The following CYP4F3 variants were observed in gnomAD, a reference collection of about 807,000 sequenced individuals.
The protein encoded by CYP4F3 is cytochrome P450 family 4 subfamily F member 3, also known as cytochrome P450 4F3.
In CYP4F3, 50 loss-of-function variants were observed where a neutral mutation model predicts 54.8. The ratio of observed to expected loss-of-function variants is 0.91; its 90% CI spans 0.73 to 1.16. CYP4F3 has a LOEUF of 1.16. Among genes scored for constraint, CYP4F3 ranks in the 50% most tolerant of loss-of-function variants. CYP4F3 has a pLI of 0.00. For synonymous variants in CYP4F3, 244 were observed against 262.6 expected (o/e 0.93, Z 0.69); for missense variants, 715 against 676.2 (o/e 1.06, Z -0.64).
intron 2 of CYP4F3, among the ~76,000 whole-genome samples, chr19:15,643,405 AATAGATAGATAGATAGATAG>A (rs57178444): frequency 2.4e-4 from 24 of 99,370 alleles, no homozygotes; most frequent in African/African-American, 7.9e-4. Context: ...TATATAGGTA[AATAGATAGATAGATAGATAG>A]ATAGATAGAT....
rs56414414 is a variant in CYP4F3 at position 15,650,823 on chromosome 19, T to TC, written c.918+640_918+641insC. 7.6e-4 allele frequency among the ~76,000 whole-genome samples: 53 copies of TC among 70,050 alleles called. 9 individuals are homozygous for TC. Among genetic ancestry groups the TC allele is most frequent in the East Asian group, 4.2e-3 (7 of 1,660 alleles). The allele number at this position is 70,050 out of a possible 152,430, so 46.0% of individuals were successfully genotyped here. A position where few individuals can be genotyped will look rare whatever the true frequency, so the allele number is the denominator to read the frequency against. ...TCTCTCTCTTCTCTTTCTTTCTTTC[T>TC]TTCTTTCTTTCTTTCTTTCTTTCTT... On this transcript the variant is annotated intron_variant, in intron 7 of 12. Transcript: ENST00000221307.
chr19:15,652,638 G>C lies in CYP4F3; in HGVS notation c.985+3G>C. The C allele has an allele frequency of 1.2e-6, 2 of 1,614,206 alleles. No individual in the cohort carries two copies. The highest frequency in any genetic ancestry group is 1.7e-6 in the Non-Finnish European group (2 of 1,180,024). On this transcript the variant is annotated splice_donor_region_variant and intron_variant, in intron 8 of 12. Transcript: ENST00000221307. ...AGCTGACACCTTTATGTTTGAGGGTGAGGGCCCCAGTGTGGGGCTAGAGTG... is the reference window on the plus strand; with the variant it reads ...AGCTGACACCTTTATGTTTGAGGGTCAGGGCCCCAGTGTGGGGCTAGAGTG...
Position 15,662,437 on chromosome 19 carries a change from T to TA in CYP4F3, c.*3053dup, listed in dbSNP as rs1188679416. The TA allele has an allele frequency of 6.6e-6, 1 of 151,298 alleles. No homozygotes were observed. The allele number at this position is 151,298 out of a possible 1,614,324, so 9.4% of individuals were successfully genotyped here. The stretch of plus-strand genomic sequence containing the variant: ...ATGTTGGACCAATACCACACTGCCC[T>TA]AGTCACTGTTGCATTATAGTATATC... On this transcript the variant is annotated 3_prime_UTR_variant, in exon 13 of 13. Transcript: ENST00000221307.
intron 7 of CYP4F3, among the ~76,000 whole-genome samples, chr19:15,650,730 TTCTTTCTTTTCCTTCCTTCCA>T (rs1972796536): frequency 8.6e-6 from 1 of 116,098 alleles, no homozygotes; most frequent in Non-Finnish European, 1.7e-5. Context: ...CTTTCTTTCT[TTCTTTCTTTTCCTTCCTTCCA>T]TCTTTCTTTC....
At chr19:15,656,515 ATCT>A (rs1006576210) in intron 9 of CYP4F3, among the ~76,000 whole-genome samples, 6 of 39,818 alleles carry the variant, frequency 1.5e-4, no homozygotes, top group Admixed American at 3.1e-4. Context: ...CTATCTATCT[ATCT>A]ATCTATTTCT....
At position 15,641,410 on chromosome 19, in the gene CYP4F3, T is replaced by G; in HGVS notation, c.-1-5T>G. ...ACCTCACTCACCACCCCATCTGCCCTGCAGGATGCCACAGCTGAGCCTGTC... is the reference window on the plus strand; with the variant it reads ...ACCTCACTCACCACCCCATCTGCCCGGCAGGATGCCACAGCTGAGCCTGTC... On this transcript the variant is annotated splice_polypyrimidine_tract_variant and splice_region_variant and intron_variant, in intron 1 of 12. Coordinates refer to ENST00000221307, the MANE Select transcript of CYP4F3 (RefSeq NM_000896.3). The G allele has an allele frequency of 1.9e-6, 3 of 1,614,002 alleles. No homozygotes were observed. The highest frequency in any genetic ancestry group is 2.5e-6 in the Non-Finnish European group (3 of 1,179,976).
chr19:15,658,116 A>T (rs1054561057), intron 9 of CYP4F3, 148 bp from the exon 10 acceptor site: 32 of 1,520,158 alleles, frequency 2.1e-5, no homozygotes, highest in Non-Finnish European at 2.8e-5. Context: ...ACAGTGTCAC[A>T]CTGTTTTTAT....
chr19:15,651,765 C>T (rs1192223306), intron 7 of CYP4F3, among the ~76,000 whole-genome samples: 1 of 152,020 alleles, frequency 6.6e-6, no homozygotes, highest in African/African-American at 2.4e-5. Context: ...ATTTGTGTGT[C>T]TGTGTTTGTG....
Position 15,650,057 on chromosome 19 carries a change from C to T in CYP4F3, c.792C>T (p.His264=), listed in dbSNP as rs142562355. 1.4e-5 allele frequency: 23 copies of T among 1,614,106 alleles called. No homozygotes were observed. Among genetic ancestry groups the T allele is most frequent in the African/African-American group, 6.7e-5 (5 of 74,924 alleles). The change falls in exon 7 of 13, where the codon CAC becomes CAT. Residue 264 remains histidine, a synonymous_variant. Transcript: ENST00000221307. ...TCCGCAGGGCCTGCCGCCTGGTGCA[C>T]GACTTCACAGATGCCGTCATCCAGG... is the stretch of plus-strand genomic sequence containing the variant. ...QRFRRACRLV[H]DFTDAVIQER... is the part of the protein sequence containing the mutation.
chr19:15,658,352 T>C lies in CYP4F3; in HGVS notation c.1204T>C (p.Cys402Arg), dbSNP rs201130545. Reference sequence around the variant, plus strand: ...CCCAGTCCCTGCCGTCTCTCGCTGCTGCACCCAAGACATTGTGCTCCCAGA... The same window carrying C: ...CCCAGTCCCTGCCGTCTCTCGCTGCCGCACCCAAGACATTGTGCTCCCAGA... Reference protein sequence around the residue: ...HPPVPAVSRCCTQDIVLPDGR... With the variant: ...HPPVPAVSRCRTQDIVLPDGR... The change falls in exon 10 of 13, where the codon TGC becomes CGC. Residue 402 changes from cysteine to arginine, a missense_variant. Cys to Arg is a radical substitution (Grantham distance 180). Coordinates refer to ENST00000221307, the MANE Select transcript of CYP4F3 (RefSeq NM_000896.3). 2.2e-5 allele frequency: 35 copies of C among 1,614,054 alleles called. No homozygotes were observed. The highest frequency in any genetic ancestry group is 2.5e-6 in the Non-Finnish European group (3 of 1,180,042).
intron 2 of CYP4F3, among the ~76,000 whole-genome samples, chr19:15,643,249 T>C (rs1027149671): frequency 1.3e-5 from 2 of 151,700 alleles, no homozygotes; most frequent in African/African-American, 4.9e-5. Flanking sequence ...TAGACAGATA[T>C]ATAAGATAGA....
intron 9 of CYP4F3, among the ~76,000 whole-genome samples, chr19:15,654,303 C>T (rs1402776254): frequency 6.6e-6 from 1 of 152,152 alleles, no homozygotes; most frequent in African/African-American, 2.4e-5. Flanking sequence ...TAATCTAATA[C>T]ATTCATATAA....
chr19:15,655,042 C>T (rs956931777), intron 9 of CYP4F3, among the ~76,000 whole-genome samples: 3 of 152,126 alleles, frequency 2.0e-5, no homozygotes, highest in African/African-American at 7.2e-5. Flanking sequence ...CTATCATTGC[C>T]TGTCTTTTTG....
In CYP4F3 at chr19:15,651,563, A is replaced by G. The variant is rs140507774; in HGVS notation, c.919-1006A>G. Among the ~76,000 whole-genome samples the G allele has an allele frequency of 3.7e-3, 371 of 100,250 alleles. 34 individuals carry two copies. Among genetic ancestry groups the G allele is most frequent in the Middle Eastern group, 0.012 (2 of 162 alleles). 65.8% of individuals were successfully genotyped at this position (100,250 alleles called of 152,430 possible). On this transcript the variant is annotated intron_variant, in intron 7 of 12. Coordinates refer to ENST00000221307, the MANE Select transcript of CYP4F3 (RefSeq NM_000896.3). ...GTACAGACGGAGCTTCACTATTTTT[A>G]GTCTCAAACTCCTGAGCTCGTGATC...
intron 9 of CYP4F3, among the ~76,000 whole-genome samples, chr19:15,654,151 T>C (rs2683049): frequency 0.66 from 100,352 of 151,788 alleles, 33,737 homozygotes; most frequent in East Asian, 0.82. Flanking sequence ...CTCCCGTCCA[T>C]GCCTTTGCCC....
In CYP4F3 at chr19:15,641,464, T is replaced by G; in HGVS notation, c.49T>G (p.Ser17Ala). The G allele has an allele frequency of 6.2e-7, 1 of 1,614,206 alleles. No individual in the cohort carries two copies. The highest frequency in any genetic ancestry group is 8.5e-7 in the Non-Finnish European group (1 of 1,180,052). ...SSLGLWPMAASPWLLLLLVGA... is the reference protein window; with the variant it reads ...SSLGLWPMAAAPWLLLLLVGA... Reference sequence around the variant, plus strand: ...GCTGGGCCTTTGGCCAATGGCAGCATCCCCGTGGCTGCTCCTGCTGCTGGT... The same window carrying G: ...GCTGGGCCTTTGGCCAATGGCAGCAGCCCCGTGGCTGCTCCTGCTGCTGGT... Residue 17 changes from serine (S) to alanine (A), a missense_variant, in exon 2 of 13, where the codon TCC (serine) becomes GCC (alanine). Transcript: ENST00000221307.
intron 3 of CYP4F3, 42 bp downstream of exon 3, chr19:15,645,905 C>T (rs1298485119): frequency 3.3e-6 from 5 of 1,531,974 alleles, no homozygotes; most frequent in African/African-American, 2.7e-5. Flanking sequence ...ACTGCACTGG[C>T]CACGCCTTGC....
chr19:15,647,100 G>T lies in CYP4F3; in HGVS notation c.392G>T (p.Trp131Leu). 5.0e-6 allele frequency: 8 copies of T among 1,613,852 alleles called. No homozygotes were observed. Among genetic ancestry groups the T allele is most frequent in the African/African-American group, 1.3e-5 (1 of 74,764 alleles). ...DKVFYSFLKPWLGDGLLLSAG... is the reference protein window; with the variant it reads ...DKVFYSFLKPLLGDGLLLSAG... ...GTCTTCTACAGCTTCCTGAAGCCCT[G>T]GCTGGGTGAGTATCTGTAGGTGAAC... The change falls in exon 4 of 13, where the codon TGG becomes TTG. Residue 131 changes from tryptophan (W) to leucine (L), a missense_variant. Coordinates refer to ENST00000221307, the MANE Select transcript of CYP4F3 (RefSeq NM_000896.3).
In CYP4F3 at chr19:15,646,947, G is replaced by T. The variant is rs997673650; in HGVS notation, c.344-105G>T. 4 of 1,508,434 alleles carry T rather than the reference G, an allele frequency of 2.7e-6. No homozygotes were observed. The African/African-American group carries it at 5.5e-5, about 21-fold the overall frequency. 93.4% of individuals were successfully genotyped at this position (1,508,434 alleles called of 1,614,324 possible). On this transcript the variant is annotated intron_variant, in intron 3 of 12. Coordinates refer to ENST00000221307, the MANE Select transcript of CYP4F3 (RefSeq NM_000896.3). The stretch of plus-strand genomic sequence containing the variant: ...CTTGACCCTCTTCTTGCTATGTGGG[G>T]CTTGGAGGGAAGAAGTGCAAACCTC...
Sources: gnomAD v4.1 joint callset for allele counts (sites outside exome capture counted in the v4.1 genomes callset) on GRCh38, gnomAD v4.1.1 for gene constraint, MANE v1.5 for transcripts, NCBI Gene and HGNC (gene_info 2026-07-23, HGNC 2026-07-21) for gene names.